The following RGS6 variants were observed in gnomAD, a reference collection of about 807,000 sequenced individuals.
RGS6 encodes the protein regulator of G protein signaling 6.
A neutral mutation model predicts 78.5 loss-of-function variants in RGS6; 30 were observed. That is an observed-to-expected ratio of 0.38 (90% confidence interval 0.29 to 0.52). The LOEUF is 0.52. Among genes scored for constraint, RGS6 ranks in the 20% least tolerant of loss-of-function variants. The pLI is 0.85. For synonymous variants in RGS6, 206 were observed against 206.0 expected, an observed-to-expected ratio of 1.00 and a Z score of 0.00; for missense variants, 495 against 609.7, an observed-to-expected ratio of 0.81 and a Z score of 1.98.
At position 72,167,100 on chromosome 14, in the gene RGS6, C is replaced by T. The variant is rs111805943; in HGVS notation, c.85-184995C>T. ...TGCTTTCGAGTCTCTGATGAGGCTA[C>T]GCTCAAGTATTACCCAGGATTAGGT... is the stretch of plus-strand genomic sequence containing the variant. On this transcript the variant is annotated intron_variant, in intron 2 of 17. Coordinates refer to ENST00000553525, the MANE Select transcript of RGS6 (RefSeq NM_001204424.2). Among the ~76,000 whole-genome samples, 1,182 of 152,280 alleles carry T rather than the reference C, an allele frequency of 7.8e-3. 15 individuals carry two copies. The highest frequency in any genetic ancestry group is 0.026 in the African/African-American group (1,087 of 41,542).
chr14:72,183,575 C>G lies in RGS6; in HGVS notation c.85-168520C>G, dbSNP rs577019344. Among the ~76,000 whole-genome samples the G allele has an allele frequency of 4.6e-5, 7 of 152,126 alleles. No homozygotes were observed. The South Asian group carries it at 1.5e-3, about 32-fold the overall frequency. On this transcript the variant is annotated intron_variant, in intron 2 of 17. Coordinates refer to ENST00000553525, the MANE Select transcript of RGS6 (RefSeq NM_001204424.2). ...GTAGGACACACAGTTCCAATTGGTACATAAATAGTACATACATTTACATTA... is the reference window on the plus strand; with the variant it reads ...GTAGGACACACAGTTCCAATTGGTAGATAAATAGTACATACATTTACATTA...
At chr14:72,341,263 A>G (rs2076939997) in intron 2 of RGS6, among the ~76,000 whole-genome samples, 1 of 152,178 alleles carries the variant, frequency 6.6e-6, no homozygotes. Flanking sequence ...GAGCACAAAG[A>G]TGGAAGTGCT....
chr14:72,375,122 G>A (rs1453638055), intron 3 of RGS6, among the ~76,000 whole-genome samples: 2 of 152,182 alleles, frequency 1.3e-5, no homozygotes, highest in African/African-American at 4.8e-5. Flanking sequence ...GAAGAAGAGA[G>A]TGATAAATTC....
intron 3 of RGS6, among the ~76,000 whole-genome samples, chr14:72,380,468 C>CA (rs55721601): frequency 8.8e-4 from 128 of 145,114 alleles, no homozygotes; most frequent in African/African-American, 9.7e-4. Context: ...ATCTTGACAG[C>CA]AAAAAAAAAA....
chr14:72,279,132 A>G (rs974245743), intron 2 of RGS6, among the ~76,000 whole-genome samples: 6 of 151,998 alleles, frequency 3.9e-5, no homozygotes, highest in Non-Finnish European at 8.8e-5. Context: ...CAGGGACATG[A>G]ATTGCAGTCC....
At chr14:72,487,749 T>A (rs1474557977) in intron 12 of RGS6, among the ~76,000 whole-genome samples, 2 of 152,174 alleles carry the variant, frequency 1.3e-5, no homozygotes, top group African/African-American at 2.4e-5. Context: ...TGATTTTAGC[T>A]CAGTGAGACC....
At chr14:72,128,474 T>G (rs1477348691) in intron 2 of RGS6, among the ~76,000 whole-genome samples, 1 of 152,320 alleles carries the variant, frequency 6.6e-6, no homozygotes, top group Non-Finnish European at 1.5e-5. Flanking sequence ...ATATTCACTT[T>G]TATTAAGCAC....
the RGS6 span, among the ~76,000 whole-genome samples, chr14:71,909,080 T>C: frequency 6.6e-6 from 1 of 152,184 alleles, no homozygotes; most frequent in Non-Finnish European, 1.5e-5. Flanking sequence ...GAAGGATTAA[T>C]GGTCATCTAT....
chr14:72,244,512 C>T (rs943876611), intron 2 of RGS6, among the ~76,000 whole-genome samples: 1 of 152,216 alleles, frequency 6.6e-6, no homozygotes, highest in Non-Finnish European at 1.5e-5. Context: ...ATCTTTTCTG[C>T]CTCCCATTGG....
At chr14:71,962,478 C>T (rs2093271821) in intron 1 of RGS6, among the ~76,000 whole-genome samples, 1 of 152,116 alleles carries the variant, frequency 6.6e-6, no homozygotes, top group Non-Finnish European at 1.5e-5. Flanking sequence ...TAAATGAACT[C>T]AATTTTTGTT....
At chr14:72,542,873 C>A (rs531325821) in intron 17 of RGS6, among the ~76,000 whole-genome samples, 30 of 152,236 alleles carry the variant, frequency 2.0e-4, no homozygotes, top group African/African-American at 7.2e-4. Flanking sequence ...CACATATGCC[C>A]CCTTTTCCAT....
At chr14:72,434,403 G>T (rs1342311035) in intron 3 of RGS6, among the ~76,000 whole-genome samples, 2 of 152,190 alleles carry the variant, frequency 1.3e-5, no homozygotes, top group Non-Finnish European at 2.9e-5. Flanking sequence ...ACCTCCTTCA[G>T]CAAAGTGTTC....
At chr14:72,590,528 C>T in the RGS6 span, among the ~76,000 whole-genome samples, 1 of 152,118 alleles carries the variant, frequency 6.6e-6, no homozygotes, top group Non-Finnish European at 1.5e-5. Flanking sequence ...GACATAAAGA[C>T]GTACCCGTAA....
At chr14:72,099,589 C>T (rs2095485125) in intron 2 of RGS6, among the ~76,000 whole-genome samples, 1 of 152,134 alleles carries the variant, frequency 6.6e-6, no homozygotes, top group African/African-American at 2.4e-5. Context: ...CTTTAAATGT[C>T]TGTTTTGGGA....
chr14:71,994,331 T>G (rs2095099754), intron 2 of RGS6, among the ~76,000 whole-genome samples: 1 of 152,206 alleles, frequency 6.6e-6, no homozygotes, highest in South Asian at 2.1e-4. Context: ...TTGATTCTTA[T>G]GGTTATTTAT....
intron 2 of RGS6, among the ~76,000 whole-genome samples, chr14:72,343,575 G>A (rs1250601878): frequency 2.6e-5 from 4 of 152,162 alleles, no homozygotes; most frequent in Admixed American, 2.0e-4. Flanking sequence ...TCTTTTGGGG[G>A]AACATTTTTC....
intron 17 of RGS6, chr14:72,547,142 C>T (rs2097418559): frequency 1.3e-6 from 2 of 1,532,034 alleles, no homozygotes; most frequent in Non-Finnish European, 8.7e-7. Flanking sequence ...AGACAGGATG[C>T]CCGCCTCTGC....
intron 2 of RGS6, among the ~76,000 whole-genome samples, chr14:71,974,060 C>G (rs529921081): frequency 6.6e-6 from 1 of 152,278 alleles, no homozygotes; most frequent in South Asian, 2.1e-4. Flanking sequence ...TTCTCCCCCT[C>G]ATTTCATTTC....
chr14:72,574,307 C>T, the RGS6 span, among the ~76,000 whole-genome samples: 5 of 152,328 alleles, frequency 3.3e-5, no homozygotes, highest in Admixed American at 6.5e-5. Context: ...ACACAGTGTT[C>T]TGTGACTTTC....
Sources: gnomAD v4.1 joint callset for allele counts (sites outside exome capture counted in the v4.1 genomes callset) on GRCh38, gnomAD v4.1.1 for gene constraint, MANE v1.5 for transcripts, NCBI Gene and HGNC (gene_info 2026-07-23, HGNC 2026-07-21) for gene names.